PTPRD: variants seen among roughly 807,000 people sequenced by gnomAD.
PTPRD encodes the protein protein tyrosine phosphatase receptor type D, also known as receptor-type tyrosine-protein phosphatase delta.
Under a neutral mutation model 214.5 loss-of-function variants are expected in PTPRD, and 34 were observed. The observed-to-expected ratio is 0.16, with a 90% confidence interval of 0.12 to 0.21. The LOEUF (loss-of-function observed/expected upper bound fraction) is 0.21, where lower values mean the gene tolerates loss of function less well. PTPRD is among the 10% of genes least tolerant of loss of function. PTPRD has a pLI of 1.00. For synonymous variants in PTPRD, 1,128 were observed against 845.7 expected (o/e 1.33, Z -5.79); for missense variants, 2,545 against 2,398.7 (o/e 1.06, Z -1.27).
intron 11 of PTPRD, among the ~76,000 whole-genome samples, chr9:8,864,312 G>A (rs2154546323): frequency 6.6e-6 from 1 of 152,330 alleles, no homozygotes; most frequent in East Asian, 1.9e-4. Context: ...GCACAAGCCT[G>A]ACTCTTATCT....
At chr9:9,938,434 C>G (rs552439430) in intron 5 of PTPRD, 73 bp downstream of exon 5, 1 of 152,104 alleles carries the variant, frequency 6.6e-6, no homozygotes, top group Non-Finnish European at 1.5e-5. Flanking sequence ...ATCATTAATT[C>G]TGTAGATAGA....
intron 6 of PTPRD, among the ~76,000 whole-genome samples, chr9:9,745,123 A>ACG (rs2098444459): frequency 6.6e-6 from 1 of 152,056 alleles, no homozygotes; most frequent in African/African-American, 2.4e-5. Flanking sequence ...TATAATTATA[A>ACG]AAATAGTTAA....
intron 11 of PTPRD, among the ~76,000 whole-genome samples, chr9:8,955,233 G>A (rs1185732047): frequency 6.6e-6 from 1 of 151,842 alleles, no homozygotes; most frequent in Non-Finnish European, 1.5e-5. Context: ...AGTTGGCTGG[G>A]TTTGTTGAAA....
chr9:9,189,293 A>T (rs186076052), intron 9 of PTPRD, among the ~76,000 whole-genome samples: 18 of 152,232 alleles, frequency 1.2e-4, no homozygotes, highest in African/African-American at 3.8e-4. Flanking sequence ...ACCTCATTTC[A>T]CAGATGAGGA....
chr9:8,980,905 G>A (rs545486529), intron 11 of PTPRD, among the ~76,000 whole-genome samples: 1 of 152,072 alleles, frequency 6.6e-6, no homozygotes, highest in South Asian at 2.1e-4. Context: ...ATTTTTTCAG[G>A]CCAAAATTCC....
In PTPRD at chr9:10,511,950, G is replaced by GTATATATATATACA. The variant is rs1201562849; in HGVS notation, c.-600+100447_-600+100448insTGTATATATATATA. Among the ~76,000 whole-genome samples, 362 of 73,706 alleles carry GTATATATATATACA rather than the reference G, an allele frequency of 4.9e-3. 4 individuals carry two copies. The highest frequency in any genetic ancestry group is 9.1e-3 in the Middle Eastern group (1 of 110). 48.4% of individuals were successfully genotyped at this position (73,706 alleles called of 152,430 possible). A position where few individuals can be genotyped will look rare whatever the true frequency, so the allele number is the denominator to read the frequency against. Reference sequence around the variant, plus strand: ...TATATACGTGTATATATATATACGTGTGTGTATATATATATACGTGTGTGT... The same window carrying GTATATATATATACA: ...TATATACGTGTATATATATATACGTGTATATATATATACATGTGTATATATATATACGTGTGTGT... On this transcript the variant is annotated intron_variant, in intron 2 of 45. Transcript: ENST00000381196.
chr9:9,286,902 A>ATATATATATG (rs1949617708), intron 9 of PTPRD, among the ~76,000 whole-genome samples: 1 of 29,238 alleles, frequency 3.4e-5, no homozygotes. Flanking sequence ...ATATATATAT[A>ATATATATATG]TATATATATA....
intron 21 of PTPRD, among the ~76,000 whole-genome samples, chr9:8,512,196 C>G (rs1017496184): frequency 6.6e-6 from 1 of 151,722 alleles, no homozygotes; most frequent in Non-Finnish European, 1.5e-5. Context: ...ACAATAAAAC[C>G]GACAGCCAGA....
intron 10 of PTPRD, among the ~76,000 whole-genome samples, chr9:9,164,162 C>T (rs1260055465): frequency 6.6e-6 from 1 of 152,068 alleles, no homozygotes; most frequent in Non-Finnish European, 1.5e-5. Flanking sequence ...GCTCAAAAGT[C>T]TAAAATAGGC....
At chr9:9,963,571 T>C (rs950022910) in intron 4 of PTPRD, among the ~76,000 whole-genome samples, 1 of 152,066 alleles carries the variant, frequency 6.6e-6, no homozygotes, top group Non-Finnish European at 1.5e-5. Context: ...TTTACACAAG[T>C]ATAGAGTTTA....
intron 5 of PTPRD, among the ~76,000 whole-genome samples, chr9:9,900,244 G>C (rs1281935704): frequency 6.6e-6 from 1 of 152,056 alleles, no homozygotes; most frequent in African/African-American, 2.4e-5. Context: ...AAATCATTTT[G>C]TACTCCCATA....
intron 3 of PTPRD, among the ~76,000 whole-genome samples, chr9:10,208,112 C>A (rs2099493278): frequency 2.0e-5 from 3 of 152,184 alleles, no homozygotes; most frequent in Non-Finnish European, 4.4e-5. Flanking sequence ...ACAACAAAAC[C>A]TATGTAATGA....
intron 36 of PTPRD, among the ~76,000 whole-genome samples, chr9:8,390,282 C>T (rs1454923114): frequency 6.6e-6 from 1 of 152,154 alleles, no homozygotes; most frequent in Non-Finnish European, 1.5e-5. Flanking sequence ...TTACAAAGCT[C>T]TGCAACTTCC....
At chr9:9,032,686 T>C (rs2099609498) in intron 10 of PTPRD, among the ~76,000 whole-genome samples, 1 of 152,074 alleles carries the variant, frequency 6.6e-6, no homozygotes, top group African/African-American at 2.4e-5. Context: ...TGGGAAGAAC[T>C]TGTATAGTTC....
At chr9:9,951,681 C>T (rs931980359) in intron 4 of PTPRD, among the ~76,000 whole-genome samples, 3 of 152,218 alleles carry the variant, frequency 2.0e-5, no homozygotes, top group Admixed American at 6.5e-5. Flanking sequence ...CCCCTCTATG[C>T]CTTCAGGCAA....
At chr9:8,711,934 G>C (rs1345049585) in intron 12 of PTPRD, among the ~76,000 whole-genome samples, 1 of 152,208 alleles carries the variant, frequency 6.6e-6, no homozygotes, top group Non-Finnish European at 1.5e-5. Context: ...TCTGCTCAGT[G>C]AAAGAAGCCA....
In PTPRD at chr9:8,414,874, AGAGG is replaced by A. The variant is rs557923527; in HGVS notation, c.4087-10218_4087-10215del. ...GGGAAGGCGTGCAGGGGAGCAGGAG[AGAGG>A]GAGGGAGGGAGGGAGAGAGGGATGG... On this transcript the variant is annotated intron_variant, in intron 35 of 45. Coordinates refer to ENST00000381196, the MANE Select transcript of PTPRD (RefSeq NM_002839.4). 2.4e-3 allele frequency among the ~76,000 whole-genome samples: 283 copies of A among 116,778 alleles called. 2 individuals are homozygous for A. The highest frequency in any genetic ancestry group is 3.9e-3 in the Non-Finnish European group (224 of 57,640). The allele number at this position is 116,778 out of a possible 152,430, so 76.6% of individuals were successfully genotyped here. A position where few individuals can be genotyped will look rare whatever the true frequency, so the allele number is the denominator to read the frequency against.
intron 2 of PTPRD, among the ~76,000 whole-genome samples, chr9:10,535,607 A>T (rs78605336): frequency 0.19 from 28,459 of 152,084 alleles, 3,024 homozygotes; most frequent in Admixed American, 0.28. Flanking sequence ...AGCCTTTTTT[A>T]AAAAAAGTCA....
intron 9 of PTPRD, among the ~76,000 whole-genome samples, chr9:9,263,580 C>G (rs1161435264): frequency 6.6e-6 from 1 of 151,668 alleles, no homozygotes; most frequent in Non-Finnish European, 1.5e-5. Context: ...GCCTGAATCA[C>G]AGTAAATATC....
Sources: gnomAD v4.1 joint callset for allele counts (sites outside exome capture counted in the v4.1 genomes callset) on GRCh38, gnomAD v4.1.1 for gene constraint, MANE v1.5 for transcripts, NCBI Gene and HGNC (gene_info 2026-07-23, HGNC 2026-07-21) for gene names.